Variants in UNC79 observed in about 807,000 individuals in gnomAD.
UNC79 encodes unc-79 subunit of NALCN channel complex.
In UNC79, 37 loss-of-function variants were observed where a neutral mutation model predicts 283.1. That is an observed-to-expected ratio of 0.13 (90% CI 0.10 to 0.17). UNC79 has a LOEUF of 0.17. Among genes scored for constraint, UNC79 ranks in the 10% least tolerant of loss-of-function variants. The probability of loss-of-function intolerance (pLI) is 1.00; values close to 1 mark genes in which losing one functional copy is unlikely to be tolerated. For missense variants in UNC79, 2,272 were observed against 3,211.1 expected (o/e 0.71, Z 7.07); for synonymous variants, 1,107 against 1,200.2 (o/e 0.92, Z 1.61).
chr14:93,486,965 T>C (rs1595605416), intron 4 of UNC79, among the ~76,000 whole-genome samples: 1 of 152,274 alleles, frequency 6.6e-6, no homozygotes, highest in East Asian at 1.9e-4. Flanking sequence ...AACTGTGTTA[T>C]TCACAGATTC....
chr14:93,659,084 A>T, intron 38 of UNC79, 109 bp from the exon 42 acceptor site: 1 of 780,854 alleles, frequency 1.3e-6, no homozygotes, highest in Non-Finnish European at 2.0e-6. Flanking sequence ...AGATGCAGTC[A>T]TATTTCAGAT....
chr14:93,411,701 C>T (rs1288092493), intron 1 of UNC79, among the ~76,000 whole-genome samples: 1 of 152,234 alleles, frequency 6.6e-6, no homozygotes, highest in Non-Finnish European at 1.5e-5. Flanking sequence ...AAGGTGGTAC[C>T]TGTATGAGTC....
At chr14:93,681,031 T>C (rs546848722) in intron 41 of UNC79, among the ~76,000 whole-genome samples, 4 of 152,340 alleles carry the variant, frequency 2.6e-5, no homozygotes, top group African/African-American at 9.6e-5. Flanking sequence ...TTAAGTTAGG[T>C]GAGCAGACAT....
chr14:93,524,795 G>A (rs970006441), intron 8 of UNC79, among the ~76,000 whole-genome samples: 1 of 152,146 alleles, frequency 6.6e-6, no homozygotes, highest in Non-Finnish European at 1.5e-5. Flanking sequence ...GATTTGCAAG[G>A]TATAATTTTT....
At chr14:93,626,752 A>G (rs1452247365) in intron 30 of UNC79, among the ~76,000 whole-genome samples, 1 of 152,088 alleles carries the variant, frequency 6.6e-6, no homozygotes, top group African/African-American at 2.4e-5. Context: ...AATTTTTGGT[A>G]TCATTTTTAA....
chr14:93,571,937 T>A (rs756145024), exon 15 of UNC79: 1 of 1,614,108 alleles, frequency 6.2e-7, no homozygotes, highest in South Asian at 1.1e-5. Flanking sequence ...GTGACTCAGC[T>A]GAAGGAAGGT....
chr14:93,511,779 A>G (rs1275418017), intron 7 of UNC79, among the ~76,000 whole-genome samples: 1 of 152,190 alleles, frequency 6.6e-6, no homozygotes, highest in Non-Finnish European at 1.5e-5. Flanking sequence ...TACATAAACT[A>G]AAACAAATAA....
At chr14:93,361,351 A>G (rs1430924475) in intron 1 of UNC79, among the ~76,000 whole-genome samples, 1 of 151,302 alleles carries the variant, frequency 6.6e-6, no homozygotes, top group Non-Finnish European at 1.5e-5. Context: ...TTGAGACCCT[A>G]TCTCTATTAA....
intron 7 of UNC79, among the ~76,000 whole-genome samples, chr14:93,514,490 TCTG>T (rs2059967915): frequency 6.6e-6 from 1 of 152,206 alleles, no homozygotes; most frequent in Non-Finnish European, 1.5e-5. Context: ...AAATCTCTGT[TCTG>T]CTTTCAACCA....
In UNC79 at chr14:93,531,360, A is replaced by T. The variant is rs576390627; in HGVS notation, c.1094-1190A>T. 6.6e-6 allele frequency among the ~76,000 whole-genome samples: 1 copy of T among 152,344 alleles called. No individual in the cohort carries two copies. Among genetic ancestry groups the T allele is most frequent in the African/African-American group, 2.4e-5 (1 of 41,580 alleles). On this transcript the variant is annotated intron_variant, in intron 10 of 48. Coordinates refer to ENST00000555664, the Ensembl canonical transcript of UNC79. The surrounding 1 kb of genome is among the most constrained non-coding windows in gnomAD (Gnocchi z 4.2). ...ACATTTACCTTTGATCTTTTAAATA[A>T]ATTGTAACATAGACTATAAATAAGG...
intron 24 of UNC79, among the ~76,000 whole-genome samples, chr14:93,599,572 C>A (rs1334378940): frequency 6.6e-6 from 1 of 152,180 alleles, no homozygotes; most frequent in Non-Finnish European, 1.5e-5. Flanking sequence ...CCAGGTACTT[C>A]TATGTCCTAC....
At chr14:93,362,003 A>G (rs2054237962) in intron 1 of UNC79, among the ~76,000 whole-genome samples, 1 of 152,158 alleles carries the variant, frequency 6.6e-6, no homozygotes, top group African/African-American at 2.4e-5. Flanking sequence ...TCACTTGTGT[A>G]TGTTGAACCA....
At chr14:93,673,422 T>C (rs1309233223) in exon 41 of UNC79, 1 of 1,613,448 alleles carries the variant, frequency 6.2e-7, no homozygotes, top group Non-Finnish European at 8.5e-7. Flanking sequence ...TCAAATCTCC[T>C]TTACCAGATA....
chr14:93,467,663 T>TTTTTTTTTTTTTTTC lies in UNC79; in HGVS notation c.23-7_23-6insTTTTTTTTTTTTTCT. On this transcript the variant is annotated splice_region_variant and splice_polypyrimidine_tract_variant and intron_variant, in intron 1 of 48. Transcript: ENST00000555664. ...TTTTTTTTTTTTTTTTTTTTTGCTT[T>TTTTTTTTTTTTTTTC]TATCTAGTTGCTTCCAAGATCCGGT... The TTTTTTTTTTTTTTTC allele has an allele frequency of 8.0e-7, 1 of 1,251,872 alleles. No individual in the cohort carries two copies. 77.5% of individuals were successfully genotyped at this position (1,251,872 alleles called of 1,614,324 possible).
At chr14:93,542,367 G>A (rs2061419759) in intron 13 of UNC79, 99 bp from the exon 14 acceptor site, 2 of 1,198,408 alleles carry the variant, frequency 1.7e-6, no homozygotes, top group Non-Finnish European at 2.3e-6. Flanking sequence ...GATTATCTGG[G>A]ATATCTTTTT....
downstream of UNC79, chr14:93,706,919 G>A (rs374891231): frequency 7.2e-5 from 116 of 1,613,736 alleles, no homozygotes; most frequent in Non-Finnish European, 9.0e-5. Context: ...ACTCCTCGGC[G>A]CTCAGTGTCA....
chr14:93,503,393 G>A (rs1390106293), intron 7 of UNC79, among the ~76,000 whole-genome samples: 1 of 151,968 alleles, frequency 6.6e-6, no homozygotes, highest in African/African-American at 2.4e-5. Context: ...GTGCATACTT[G>A]CATACATTTC....
At chr14:93,522,878 C>T (rs545739850) in intron 7 of UNC79, among the ~76,000 whole-genome samples, 1 of 152,162 alleles carries the variant, frequency 6.6e-6, no homozygotes, top group South Asian at 2.1e-4. Flanking sequence ...CATGGTCTAA[C>T]AATGGGATAG....
At chr14:93,506,587 T>C (rs932219129) in intron 7 of UNC79, among the ~76,000 whole-genome samples, 4 of 152,122 alleles carry the variant, frequency 2.6e-5, no homozygotes, top group Non-Finnish European at 5.9e-5. Flanking sequence ...GTCTTAAAAG[T>C]TTTCTCTTTA....
Sources: gnomAD v4.1 joint callset for allele counts (sites outside exome capture counted in the v4.1 genomes callset) on GRCh38, gnomAD v4.1.1 for gene constraint, Gnocchi (gnomAD v3.1) non-coding constraint, MANE v1.5 for transcripts, NCBI Gene and HGNC (gene_info 2026-07-23, HGNC 2026-07-21) for gene names.